The following GLI3 variants were observed in gnomAD, a reference collection of about 807,000 sequenced individuals.
The protein encoded by GLI3 is transcription activator GLI3.
In GLI3, 20 loss-of-function variants were observed where a neutral mutation model predicts 100.8. The observed-to-expected ratio is 0.20, with a 90% CI of 0.14 to 0.29. GLI3 has a LOEUF of 0.29. GLI3 is among the 10% of genes least tolerant of loss of function. The pLI, the probability that GLI3 is intolerant of heterozygous loss-of-function variation, is 1.00. For missense variants in GLI3, 2,040 were observed against 2,128.5 expected, an observed-to-expected ratio of 0.96 and a Z score of 0.82; for synonymous variants, 938 against 860.5, an observed-to-expected ratio of 1.09 and a Z score of -1.58.
intron 4 of GLI3, among the ~76,000 whole-genome samples, chr7:42,055,067 A>G (rs1173651562): frequency 1.4e-5 from 2 of 137,974 alleles, no homozygotes; most frequent in Non-Finnish European, 3.0e-5. Flanking sequence ...ACATATATGT[A>G]TACATATATA....
intron 4 of GLI3, among the ~76,000 whole-genome samples, chr7:42,056,978 G>A (rs1171479850): frequency 2.6e-4 from 25 of 96,304 alleles, no homozygotes; most frequent in East Asian, 1.1e-3. Context: ...GCGAAACTCC[G>A]TCTCAAAAAA....
intron 4 of GLI3, among the ~76,000 whole-genome samples, chr7:42,059,012 T>G (rs2128746292): frequency 6.6e-6 from 1 of 152,302 alleles, no homozygotes; most frequent in African/African-American, 2.4e-5. Context: ...ACTTGAGAGC[T>G]AAATGACCAC....
intron 3 of GLI3, among the ~76,000 whole-genome samples, chr7:42,125,343 A>C (rs1786099495): frequency 6.6e-6 from 1 of 152,210 alleles, no homozygotes. Flanking sequence ...ATGAGACCTT[A>C]AAAGGCTGAA....
intron 10 of GLI3, among the ~76,000 whole-genome samples, chr7:42,020,095 AAGG>A (rs1168782922): frequency 1.3e-5 from 2 of 152,324 alleles, no homozygotes; most frequent in East Asian, 1.9e-4. Context: ...GCTTGAAATA[AAGG>A]AGAAGAGAAA....
At chr7:42,027,699 T>C (rs1251164518) in intron 7 of GLI3, among the ~76,000 whole-genome samples, 5 of 152,202 alleles carry the variant, frequency 3.3e-5, no homozygotes, top group Non-Finnish European at 7.3e-5. Context: ...TACATTACAA[T>C]AGCTTGCCCA....
At position 42,203,041 on chromosome 7, in the gene GLI3, C is replaced by T. The variant is rs118071986; in HGVS notation, c.124+20089G>A. On this transcript the variant is annotated intron_variant, in intron 2 of 14. Transcript: ENST00000395925. ...CCACCCCAGTCTTGAAGAACAAGTG[C>T]GAGGGGGCTCTGATTTCCTCCCTCC... Among the ~76,000 whole-genome samples the T allele has an allele frequency of 1.0e-3, 154 of 152,254 alleles. 2 individuals carry two copies. The East Asian group carries it at 0.024, about 24-fold the overall frequency.
At chr7:42,232,865 T>G (rs745551231) in intron 1 of GLI3, among the ~76,000 whole-genome samples, 1 of 152,108 alleles carries the variant, frequency 6.6e-6, no homozygotes, top group African/African-American at 2.4e-5. Flanking sequence ...TTTTGTCGGG[T>G]TGAAATATAT....
At chr7:42,001,702 C>A (rs1236618668) in intron 10 of GLI3, among the ~76,000 whole-genome samples, 1 of 151,758 alleles carries the variant, frequency 6.6e-6, no homozygotes, top group Non-Finnish European at 1.5e-5. Context: ...ACACACAGGG[C>A]AAAATATGAA....
intron 2 of GLI3, among the ~76,000 whole-genome samples, chr7:42,202,120 G>A (rs1339438317): frequency 6.6e-6 from 1 of 151,054 alleles, no homozygotes; most frequent in African/African-American, 2.4e-5. Context: ...ATAATCTTAT[G>A]GGACAACTGT....
chr7:42,073,706 T>C (rs757099541), intron 4 of GLI3, among the ~76,000 whole-genome samples: 1 of 152,198 alleles, frequency 6.6e-6, no homozygotes, highest in Non-Finnish European at 1.5e-5. Context: ...ACACAAATCC[T>C]TGTTTTTAGG....
chr7:42,148,135 GCACACACACACACA>G (rs34148485), intron 3 of GLI3, 77 bp downstream of exon 3: 335 of 867,512 alleles, frequency 3.9e-4, no homozygotes, highest in African/African-American at 2.0e-3. Context: ...CATAAAGCGC[GCACACACACACACA>G]CACACACACA....
At chr7:42,209,750 T>C (rs909073035) in intron 2 of GLI3, among the ~76,000 whole-genome samples, 1 of 151,856 alleles carries the variant, frequency 6.6e-6, no homozygotes, top group African/African-American at 2.4e-5. Context: ...GCTACAACTA[T>C]GTGATCACAT....
chr7:42,042,063 G>C (rs1784150332), intron 6 of GLI3, among the ~76,000 whole-genome samples: 1 of 149,344 alleles, frequency 6.7e-6, no homozygotes, highest in South Asian at 2.1e-4. Flanking sequence ...TGCCAGGCTG[G>C]AGTGCAGTGG....
At chr7:42,017,012 T>C (rs766248786) in intron 10 of GLI3, among the ~76,000 whole-genome samples, 1 of 152,354 alleles carries the variant, frequency 6.6e-6, no homozygotes, top group African/African-American at 2.4e-5. Context: ...GGGTACCACA[T>C]GGGCTGTCCC....
chr7:42,109,660 C>T lies in GLI3; in HGVS notation c.368-32803G>A, dbSNP rs116981772. Among the ~76,000 whole-genome samples, 37 of 152,222 alleles carry T rather than the reference C, an allele frequency of 2.4e-4. 1 individual carries two copies. In the East Asian group the frequency reaches 5.8e-3, roughly 24 times the overall value. ...CTTTATTTGGAAAACCTTGTTTTCC[C>T]GGAACTGAAGCTAACCTCTGGGACG... On this transcript the variant is annotated intron_variant, in intron 3 of 14. Coordinates refer to ENST00000395925, the MANE Select transcript of GLI3 (RefSeq NM_000168.6).
rs1289636724 is a variant in GLI3, at chr7:42,237,131, G to A, written c.-203C>T. 6.8e-6 allele frequency: 1 copy of A among 148,146 alleles called. No individual in the cohort carries two copies. Among genetic ancestry groups the A allele is most frequent in the Non-Finnish European group, 1.5e-5 (1 of 66,378 alleles). 9.2% of individuals were successfully genotyped at this position (148,146 alleles called of 1,614,324 possible). On this transcript the variant is annotated 5_prime_UTR_variant, in exon 1 of 15. Transcript: ENST00000395925. ...CCCGCCGCGGGCATGGTGCGGCGCGGGCGGCCGCGGGGCGCGCGGGGAAGG... is the reference window on the plus strand; with the variant it reads ...CCCGCCGCGGGCATGGTGCGGCGCGAGCGGCCGCGGGGCGCGCGGGGAAGG...
intron 3 of GLI3, among the ~76,000 whole-genome samples, chr7:42,134,080 CAA>C (rs11441623): frequency 1.1e-4 from 12 of 109,378 alleles, no homozygotes; most frequent in Admixed American, 1.8e-4. Context: ...GACTCTGTCT[CAA>C]AAAAAAAAAA....
chr7:42,242,598 C>T (rs1788936478), upstream of GLI3, among the ~76,000 whole-genome samples: 1 of 152,108 alleles, frequency 6.6e-6, no homozygotes, highest in Non-Finnish European at 1.5e-5. Context: ...ACTTCTCTTC[C>T]CTTAGGCAGA....
In GLI3 at chr7:41,963,293, C is replaced by T. The variant is rs368476496; in HGVS notation, c.*1037G>A. ...AATTAATAAATGTTACTGATACAGC[C>T]GCTTGTGGGGTTGTTTAAATACCTA... is the stretch of plus-strand genomic sequence containing the variant. On this transcript the variant is annotated 3_prime_UTR_variant, in exon 15 of 15. Coordinates refer to ENST00000395925, the MANE Select transcript of GLI3 (RefSeq NM_000168.6). 3.3e-5 allele frequency: 5 copies of T among 152,218 alleles called. No individual in the cohort carries two copies. The highest frequency in any genetic ancestry group is 3.4e-3 in the Middle Eastern group (1 of 294). 9.4% of individuals were successfully genotyped at this position (152,218 alleles called of 1,614,324 possible). A position where few individuals can be genotyped will look rare whatever the true frequency, so the allele number is the denominator to read the frequency against.
Sources: gnomAD v4.1 joint callset for allele counts (sites outside exome capture counted in the v4.1 genomes callset) on GRCh38, gnomAD v4.1.1 for gene constraint, MANE v1.5 for transcripts, NCBI Gene and HGNC (gene_info 2026-07-23, HGNC 2026-07-21) for gene names.